NECAB1: variants seen among roughly 807,000 people sequenced by gnomAD.
The protein encoded by NECAB1 is N-terminal EF-hand calcium binding protein 1.
Under a neutral mutation model 57.5 loss-of-function variants are expected in NECAB1, and 29 were observed. The observed-to-expected ratio is 0.50, with a 90% CI of 0.38 to 0.69. The LOEUF (loss-of-function observed/expected upper bound fraction) is 0.69. NECAB1 is among the 30% of genes least tolerant of loss of function. The probability of loss-of-function intolerance (pLI) is 0.00; values close to 1 mark genes in which losing one functional copy is unlikely to be tolerated. For synonymous variants in NECAB1, 142 were observed against 147.7 expected, an observed-to-expected ratio of 0.96 and a Z score of 0.28; for missense variants, 372 against 413.8, an observed-to-expected ratio of 0.90 and a Z score of 0.88.
At chr8:90,837,023 T>G (rs749070380) in intron 3 of NECAB1, among the ~76,000 whole-genome samples, 3 of 152,366 alleles carry the variant, frequency 2.0e-5, no homozygotes, top group Middle Eastern at 6.8e-3. Context: ...TTTGCAATAG[T>G]TAATTGTTGA....
At chr8:90,849,801 C>T (rs1812649078) in intron 3 of NECAB1, among the ~76,000 whole-genome samples, 1 of 145,130 alleles carries the variant, frequency 6.9e-6, no homozygotes, top group Non-Finnish European at 1.5e-5. Flanking sequence ...TCACGCCATT[C>T]TCCTGCCTCA....
chr8:90,841,448 G>A (rs962604634), intron 3 of NECAB1, among the ~76,000 whole-genome samples: 1 of 152,142 alleles, frequency 6.6e-6, no homozygotes, highest in Non-Finnish European at 1.5e-5. Flanking sequence ...AGATGCAATA[G>A]TACCTTGTAA....
rs57808023 is a variant in NECAB1 at position 90,906,876 on chromosome 8, CATATATATATATATATATATATAT to C, written c.358-10605_358-10582del. 1.4e-4 allele frequency among the ~76,000 whole-genome samples: 17 copies of C among 121,764 alleles called. 2 individuals are homozygous for C. Among genetic ancestry groups the C allele is most frequent in the Admixed American group, 1.2e-3 (15 of 12,030 alleles). 79.9% of individuals were successfully genotyped at this position (121,764 alleles called of 152,430 possible). On this transcript the variant is annotated intron_variant, in intron 5 of 12. Transcript: ENST00000417640. The stretch of plus-strand genomic sequence containing the variant: ...ACCTTTTCCTTACATATGATATACA[CATATATATATATATATATATATAT>C]ATATATATATCTTCTCACTTTATTG...
At chr8:90,906,661 T>G (rs1221150264) in intron 5 of NECAB1, among the ~76,000 whole-genome samples, 1 of 151,962 alleles carries the variant, frequency 6.6e-6, no homozygotes, top group Non-Finnish European at 1.5e-5. Flanking sequence ...TATAGTGCAT[T>G]CTATAGAAGG....
intron 3 of NECAB1, among the ~76,000 whole-genome samples, chr8:90,863,627 AT>A (rs745543586): frequency 2.0e-5 from 3 of 152,200 alleles, no homozygotes; most frequent in Non-Finnish European, 4.4e-5. Context: ...GCCATTTTAT[AT>A]AGAAATTCCA....
chr8:90,934,246 C>A, intron 8 of NECAB1, 58 bp from the exon 9 acceptor site: 1 of 1,165,480 alleles, frequency 8.6e-7, no homozygotes, highest in Non-Finnish European at 1.2e-6. Context: ...GAATATATGG[C>A]ATTGTTTTAA....
At chr8:90,867,906 C>G (rs779998186) in intron 3 of NECAB1, among the ~76,000 whole-genome samples, 1 of 152,078 alleles carries the variant, frequency 6.6e-6, no homozygotes, top group Admixed American at 6.5e-5. Context: ...TGGTTTGGCT[C>G]TATGTCCCCA....
intron 2 of NECAB1, among the ~76,000 whole-genome samples, chr8:90,809,333 T>G (rs1477986059): frequency 1.3e-5 from 2 of 152,216 alleles, no homozygotes; most frequent in African/African-American, 2.4e-5. Context: ...TTGGCTCCAC[T>G]GTCAAAACAT....
At chr8:90,953,470 C>T (rs933019976) in intron 12 of NECAB1, among the ~76,000 whole-genome samples, 4 of 152,168 alleles carry the variant, frequency 2.6e-5, no homozygotes, top group African/African-American at 9.7e-5. Flanking sequence ...CTTTTAATTG[C>T]TGCCCTATTT....
chr8:90,813,227 G>GTA (rs202202145), intron 2 of NECAB1: 20 of 70,086 alleles, frequency 2.9e-4, no homozygotes, highest in South Asian at 1.0e-3. Flanking sequence ...ATATATATAT[G>GTA]TATATATACA....
rs1024399151 is a variant in NECAB1, at chr8:90,958,052, C to G, written c.*2540C>G. The G allele has an allele frequency of 6.7e-5, 10 of 148,448 alleles. No individual in the cohort carries two copies. The highest frequency in any genetic ancestry group is 4.5e-5 in the Non-Finnish European group (3 of 67,012). 9.2% of individuals were successfully genotyped at this position (148,448 alleles called of 1,614,324 possible). A position where few individuals can be genotyped will look rare whatever the true frequency, so the allele number is the denominator to read the frequency against. The stretch of plus-strand genomic sequence containing the variant: ...TTAGGGAGAGTTTACACTTACTTAC[C>G]TATATATCAGCAGATTTTTCTGGAA... On this transcript the variant is annotated 3_prime_UTR_variant, in exon 13 of 13. Coordinates refer to ENST00000417640, the MANE Select transcript of NECAB1 (RefSeq NM_022351.5).
chr8:90,950,760 T>A (rs1226134865), intron 11 of NECAB1, among the ~76,000 whole-genome samples: 1 of 152,194 alleles, frequency 6.6e-6, no homozygotes, highest in Non-Finnish European at 1.5e-5. Flanking sequence ...ACATAGCTTT[T>A]TAGATTTATT....
At chr8:90,890,935 G>A (rs1809148752) in intron 5 of NECAB1, among the ~76,000 whole-genome samples, 2 of 152,178 alleles carry the variant, frequency 1.3e-5, no homozygotes, top group South Asian at 2.1e-4. Flanking sequence ...CATGTGGTAA[G>A]ACTAATAAAT....
chr8:90,836,963 C>T (rs1391649587), intron 3 of NECAB1, among the ~76,000 whole-genome samples: 12 of 152,216 alleles, frequency 7.9e-5, no homozygotes, highest in Admixed American at 4.6e-4. Flanking sequence ...ATAAGAAGCA[C>T]TCTTGTTCTT....
chr8:90,955,134 A>ATATATATG (rs1811007210), intron 12 of NECAB1, among the ~76,000 whole-genome samples: 1 of 134,954 alleles, frequency 7.4e-6, no homozygotes, highest in Admixed American at 7.4e-5. Flanking sequence ...ATATATATAT[A>ATATATATG]TATATATATA....
chr8:90,857,772 CTT>C (rs1331084914), intron 3 of NECAB1, among the ~76,000 whole-genome samples: 1 of 152,046 alleles, frequency 6.6e-6, no homozygotes, highest in Non-Finnish European at 1.5e-5. Context: ...AATTGGACCT[CTT>C]AGTCATTTAA....
Position 90,893,905 on chromosome 8 carries a change from T to A in NECAB1, c.357+12775T>A, listed in dbSNP as rs556540796. 3.3e-5 allele frequency among the ~76,000 whole-genome samples: 5 copies of A among 152,322 alleles called. No homozygotes were observed. In the East Asian group the frequency reaches 9.6e-4, roughly 29 times the overall value. ...TATTCTCATGGTTGGATTTTTTTCT[T>A]CAGTTCATTATGTTGAATTTGCCTT... On this transcript the variant is annotated intron_variant, in intron 5 of 12. Transcript: ENST00000417640.
At chr8:90,839,945 G>T (rs1812429180) in intron 3 of NECAB1, among the ~76,000 whole-genome samples, 1 of 152,188 alleles carries the variant, frequency 6.6e-6, no homozygotes, top group South Asian at 2.1e-4. Flanking sequence ...CAAGTCTGGA[G>T]ACAGCAAAAC....
At chr8:90,939,507 G>A (rs553201056) in intron 9 of NECAB1, among the ~76,000 whole-genome samples, 10 of 152,318 alleles carry the variant, frequency 6.6e-5, no homozygotes, top group East Asian at 1.9e-4. Context: ...ACTTGATCAC[G>A]TAAGAATTGC....
Sources: gnomAD v4.1 joint callset for allele counts (sites outside exome capture counted in the v4.1 genomes callset) on GRCh38, gnomAD v4.1.1 for gene constraint, MANE v1.5 for transcripts, NCBI Gene and HGNC (gene_info 2026-07-23, HGNC 2026-07-21) for gene names.